Variants in KIAA0513 observed in about 807,000 individuals in gnomAD.
The protein encoded by KIAA0513 is uncharacterized protein KIAA0513.
In KIAA0513, 39 loss-of-function variants were observed where a neutral mutation model predicts 56.5. The observed-to-expected ratio is 0.69, with a 90% CI of 0.53 to 0.90. The LOEUF is 0.90. Among genes scored for constraint, KIAA0513 ranks in the 40% least tolerant of loss-of-function variants. KIAA0513 has a pLI of 0.00. For synonymous variants in KIAA0513, 268 were observed against 215.6 expected (o/e 1.24, Z -2.13); for missense variants, 591 against 535.2 (o/e 1.10, Z -1.03).
intron 1 of KIAA0513, among the ~76,000 whole-genome samples, chr16:85,058,379 C>T (rs952425290): frequency 3.9e-5 from 6 of 152,168 alleles, no homozygotes; most frequent in South Asian, 2.1e-4. Context: ...TTTGGCCGGA[C>T]GCGTTGGCTC....
rs746390282 is a variant in KIAA0513 at position 85,067,222 on chromosome 16, G to T, written c.151G>T (p.Ala51Ser). 4 of 1,614,196 alleles carry T rather than the reference G, an allele frequency of 2.5e-6. No individual in the cohort carries two copies. The East Asian group carries it at 8.9e-5, about 36-fold the overall frequency. Residue 51 changes from alanine (A) to serine (S), a missense_variant, in exon 2 of 13, where the codon GCG becomes TCG. Ala to Ser is a moderately conservative substitution (Grantham distance 99, BLOSUM62 1). Transcript: ENST00000683363. ...ATCAGAGAGTGAGACCACTGAGTCT[G>T]CGGACAGTGAGAATGACATGGGCGA... The part of the protein sequence containing the change: ...GASESETTES[A>S]DSENDMGESP...
intron 9 of KIAA0513, 29 bp from the exon 10 acceptor site, chr16:85,082,533 CTT>C: frequency 2.5e-6 from 4 of 1,613,142 alleles, no homozygotes; most frequent in Non-Finnish European, 3.4e-6. Context: ...TGACATGTTC[CTT>C]TGTTTACCTG....
chr16:85,077,329 G>A, intron 5 of KIAA0513, 96 bp from the exon 6 acceptor site: 2 of 1,181,386 alleles, frequency 1.7e-6, no homozygotes, highest in Non-Finnish European at 1.2e-6. Flanking sequence ...TATCCCCACT[G>A]CACAGGACCC....
intron 4 of KIAA0513, among the ~76,000 whole-genome samples, chr16:85,074,223 C>A (rs543159542): frequency 2.0e-5 from 3 of 151,940 alleles, no homozygotes; most frequent in Non-Finnish European, 4.4e-5. Context: ...GATTCACTTG[C>A]TTCAGCCTCC....
intron 2 of KIAA0513, among the ~76,000 whole-genome samples, chr16:85,071,199 A>G (rs968880026): frequency 1.3e-5 from 2 of 152,138 alleles, no homozygotes; most frequent in South Asian, 2.1e-4. Flanking sequence ...CCCGGTCTCC[A>G]TCCCTCTCAC....
rs2073758929 is a variant in KIAA0513, at chr16:85,082,591, G to C, written c.1008G>C (p.Lys336Asn). Residue 336 changes from lysine to asparagine, a missense_variant and splice_region_variant, in exon 10 of 13, where the codon AAG becomes AAC. Lys to Asn is a moderately conservative substitution (Grantham distance 94). Transcript: ENST00000683363. ...TRGDAGEEEE[K>N]REKWCHMTQE... is the part of the protein sequence containing the mutation. ...GGGATGCTGGAGAGGAGGAGGAGAA[G>C]AGGTGTGTGTGTCCACGTGACTTTG... 3 of 1,614,026 alleles carry C rather than the reference G, an allele frequency of 1.9e-6. No homozygotes were observed. The highest frequency in any genetic ancestry group is 2.2e-5 in the East Asian group (1 of 44,856).
At chr16:85,062,496 C>T (rs1452762024) in intron 1 of KIAA0513, among the ~76,000 whole-genome samples, 2 of 152,194 alleles carry the variant, frequency 1.3e-5, no homozygotes, top group Non-Finnish European at 2.9e-5. Flanking sequence ...TTCCTATCTG[C>T]GGTGACACAG....
At chr16:85,041,988 A>C (rs2143869862) in intron 1 of KIAA0513, among the ~76,000 whole-genome samples, 1 of 152,066 alleles carries the variant, frequency 6.6e-6, no homozygotes, top group Non-Finnish European at 1.5e-5. Context: ...CCAAGCCCCT[A>C]CCCATTTGCC....
At chr16:85,041,025 A>T (rs2073098119) in intron 1 of KIAA0513, among the ~76,000 whole-genome samples, 1 of 152,208 alleles carries the variant, frequency 6.6e-6, no homozygotes, top group South Asian at 2.1e-4. Flanking sequence ...GCAGAATGAG[A>T]TGTATTTTAA....
chr16:85,048,501 C>T (rs911578308), intron 1 of KIAA0513, among the ~76,000 whole-genome samples: 22 of 151,606 alleles, frequency 1.5e-4, no homozygotes, highest in Non-Finnish European at 1.0e-4. Context: ...CTCTCTCTCT[C>T]TCTTTCTCTC....
At chr16:85,083,382 G>A in intron 10 of KIAA0513, among the ~76,000 whole-genome samples, 1 of 152,206 alleles carries the variant, frequency 6.6e-6, no homozygotes, top group East Asian at 1.9e-4. Context: ...TGGTATGTCT[G>A]TAGTGTTTAT....
intron 10 of KIAA0513, among the ~76,000 whole-genome samples, chr16:85,083,325 G>C (rs757835263): frequency 6.6e-6 from 1 of 152,132 alleles, no homozygotes. Flanking sequence ...TCCCTGAGAC[G>C]ATGGCTCTTT....
intron 1 of KIAA0513, among the ~76,000 whole-genome samples, chr16:85,035,863 C>G (rs1449502292): frequency 6.6e-6 from 1 of 151,870 alleles, no homozygotes; most frequent in Non-Finnish European, 1.5e-5. Context: ...TGCTCGTAGT[C>G]CAGCTACTTG....
intron 1 of KIAA0513, among the ~76,000 whole-genome samples, chr16:85,033,704 C>T (rs572318364): frequency 6.6e-6 from 1 of 152,290 alleles, no homozygotes; most frequent in South Asian, 2.1e-4. Context: ...AGGACCGTCG[C>T]CAGCTGACTT....
At chr16:85,049,770 AT>A (rs1161499727) in intron 1 of KIAA0513, among the ~76,000 whole-genome samples, 2 of 152,116 alleles carry the variant, frequency 1.3e-5, no homozygotes, top group African/African-American at 4.8e-5. Context: ...TTCTTTATAA[AT>A]TACCCAGTCT....
At chr16:85,035,848 G>A (rs2073028958) in intron 1 of KIAA0513, among the ~76,000 whole-genome samples, 1 of 152,072 alleles carries the variant, frequency 6.6e-6, no homozygotes, top group Admixed American at 6.5e-5. Context: ...AGGCTTGGTG[G>A]CGGGTGCTCG....
chr16:85,033,335 C>G (rs1379667705), intron 1 of KIAA0513, among the ~76,000 whole-genome samples: 1 of 152,178 alleles, frequency 6.6e-6, no homozygotes, highest in African/African-American at 2.4e-5. Context: ...ACAGCTGCTT[C>G]AGGTCAGGAT....
intron 8 of KIAA0513, 162 bp downstream of exon 8, chr16:85,079,165 G>A: frequency 1.4e-5 from 20 of 1,436,060 alleles, no homozygotes; most frequent in South Asian, 8.4e-5. Flanking sequence ...GCGTTGGTGA[G>A]GATGTGGAGA....
At chr16:85,055,335 A>T (rs755878697) in intron 1 of KIAA0513, among the ~76,000 whole-genome samples, 1 of 152,232 alleles carries the variant, frequency 6.6e-6, no homozygotes, top group Non-Finnish European at 1.5e-5. Context: ...GGTAAGACAC[A>T]TGTGATTTCA....
Sources: gnomAD v4.1 joint callset for allele counts (sites outside exome capture counted in the v4.1 genomes callset) on GRCh38, gnomAD v4.1.1 for gene constraint, MANE v1.5 for transcripts, NCBI Gene and HGNC (gene_info 2026-07-23, HGNC 2026-07-21) for gene names.